CDH12: variants seen among roughly 807,000 people sequenced by gnomAD.
CDH12 encodes the protein cadherin 12.
CDH12 carries 41 observed loss-of-function variants against 74.1 expected under a neutral mutation model. That is an observed-to-expected ratio of 0.55 (90% confidence interval 0.43 to 0.72). The LOEUF is 0.72. CDH12 is among the 30% of genes least tolerant of loss of function. The pLI, the probability that CDH12 is intolerant of heterozygous loss-of-function variation, is 0.00. For missense variants in CDH12, 945 were observed against 977.2 expected, an observed-to-expected ratio of 0.97 and a Z score of 0.44; for synonymous variants, 399 against 355.0, an observed-to-expected ratio of 1.12 and a Z score of -1.39.
intron 1 of CDH12, among the ~76,000 whole-genome samples, chr5:22,615,554 T>A (rs1333236061): frequency 6.6e-6 from 1 of 152,002 alleles, no homozygotes; most frequent in African/African-American, 2.4e-5. Context: ...AAGATCCCTG[T>A]CAAATGAAAC....
intron 5 of CDH12, among the ~76,000 whole-genome samples, chr5:22,006,197 T>C (rs2963549): frequency 2.0e-5 from 3 of 151,986 alleles, no homozygotes; most frequent in Non-Finnish European, 4.4e-5. Context: ...ATTTTTTTTT[T>C]AATATAGATG....
At chr5:22,466,932 G>C (rs1013988656) in intron 2 of CDH12, among the ~76,000 whole-genome samples, 28 of 151,706 alleles carry the variant, frequency 1.8e-4, no homozygotes, top group African/African-American at 6.5e-4. Flanking sequence ...GGGACTACAG[G>C]CACGTGCCGC....
chr5:22,314,449 A>G (rs1259468652), intron 3 of CDH12, among the ~76,000 whole-genome samples: 2 of 152,162 alleles, frequency 1.3e-5, no homozygotes, highest in African/African-American at 4.8e-5. Flanking sequence ...CAGAGAAAAA[A>G]GCCATGCTTG....
intron 1 of CDH12, among the ~76,000 whole-genome samples, chr5:22,810,469 A>C (rs1749083986): frequency 6.6e-6 from 1 of 152,138 alleles, no homozygotes; most frequent in Admixed American, 6.6e-5. Flanking sequence ...TTATTCTCCC[A>C]GTGAACATTA....
intron 7 of CDH12, among the ~76,000 whole-genome samples, chr5:21,845,003 A>ATAGG (rs1471919833): frequency 1.7e-5 from 2 of 120,412 alleles, no homozygotes; most frequent in Non-Finnish European, 3.4e-5. Context: ...AGGTAGGTAG[A>ATAGG]TAGATAGATA....
intron 6 of CDH12, among the ~76,000 whole-genome samples, chr5:21,873,708 G>T (rs981354587): frequency 6.6e-6 from 1 of 152,134 alleles, no homozygotes; most frequent in Admixed American, 6.6e-5. Flanking sequence ...GTGCCATGGT[G>T]GTTTGCTGCA....
At chr5:22,099,272 C>T (rs1193900650) in intron 4 of CDH12, among the ~76,000 whole-genome samples, 1 of 152,134 alleles carries the variant, frequency 6.6e-6, no homozygotes, top group Non-Finnish European at 1.5e-5. Flanking sequence ...AGTCGAATCA[C>T]CCAAGCAGTT....
In CDH12 at chr5:22,833,065, T is replaced by G. The variant is rs189566462; in HGVS notation, c.-523+19993A>C. Reference sequence around the variant, plus strand: ...TGAATTTAAGTTTTGCATGCCTAACTTTTTTCCTTAGTTTAGATAACTGCT... The same window carrying G: ...TGAATTTAAGTTTTGCATGCCTAACGTTTTTCCTTAGTTTAGATAACTGCT... On this transcript the variant is annotated intron_variant, in intron 1 of 14. Coordinates refer to ENST00000382254, the MANE Select transcript of CDH12 (RefSeq NM_004061.5). 9.4e-3 allele frequency among the ~76,000 whole-genome samples: 1,432 copies of G among 152,316 alleles called. 5 individuals are homozygous for G. The highest frequency in any genetic ancestry group is 0.015 in the Non-Finnish European group (1,051 of 68,018).
At chr5:21,892,457 G>C (rs1261156563) in intron 6 of CDH12, among the ~76,000 whole-genome samples, 1 of 152,066 alleles carries the variant, frequency 6.6e-6, no homozygotes, top group Non-Finnish European at 1.5e-5. Flanking sequence ...GTCACTTTTC[G>C]CAGGTTCTGC....
chr5:22,335,994 T>C (rs1011567623), intron 3 of CDH12, among the ~76,000 whole-genome samples: 1 of 152,088 alleles, frequency 6.6e-6, no homozygotes, highest in East Asian at 1.9e-4. Context: ...ACCAAAAGCC[T>C]GACAGCAACA....
At chr5:22,472,945 G>T (rs925885012) in intron 2 of CDH12, among the ~76,000 whole-genome samples, 1 of 152,080 alleles carries the variant, frequency 6.6e-6, no homozygotes, top group African/African-American at 2.4e-5. Context: ...CATTTTACAA[G>T]GATCTGTGGA....
At chr5:22,093,743 T>C (rs1053421971) in intron 4 of CDH12, among the ~76,000 whole-genome samples, 25 of 152,290 alleles carry the variant, frequency 1.6e-4, no homozygotes, top group African/African-American at 5.8e-4. Flanking sequence ...TTGAATTCCA[T>C]ACTTTAAATA....
At chr5:22,022,702 C>T (rs936277641) in intron 5 of CDH12, among the ~76,000 whole-genome samples, 5 of 150,912 alleles carry the variant, frequency 3.3e-5, no homozygotes, top group Non-Finnish European at 5.9e-5. Flanking sequence ...TATATATCTG[C>T]TTTCTATTTA....
chr5:21,758,981 G>T (rs190217106), intron 13 of CDH12, among the ~76,000 whole-genome samples: 1 of 152,062 alleles, frequency 6.6e-6, no homozygotes, highest in African/African-American at 2.4e-5. Flanking sequence ...GGGAGAAAGG[G>T]AGGAGACAAA....
chr5:22,127,839 T>C (rs947281204), intron 4 of CDH12, among the ~76,000 whole-genome samples: 49 of 152,060 alleles, frequency 3.2e-4, no homozygotes, highest in African/African-American at 1.1e-3. Flanking sequence ...CTGAATGTGA[T>C]AGGATGGAGA....
At chr5:22,765,373 T>A (rs1475262530) in intron 1 of CDH12, among the ~76,000 whole-genome samples, 1 of 152,008 alleles carries the variant, frequency 6.6e-6, no homozygotes, top group Non-Finnish European at 1.5e-5. Flanking sequence ...TCTAGTCTAC[T>A]GTAATCATTA....
At chr5:22,118,891 G>A (rs753689611) in intron 4 of CDH12, among the ~76,000 whole-genome samples, 2 of 152,180 alleles carry the variant, frequency 1.3e-5, no homozygotes, top group African/African-American at 4.8e-5. Flanking sequence ...AGTTGGGGTG[G>A]GGGATAGTTG....
chr5:22,679,443 T>C (rs765669471), intron 1 of CDH12, among the ~76,000 whole-genome samples: 3 of 152,096 alleles, frequency 2.0e-5, no homozygotes, highest in Non-Finnish European at 4.4e-5. Context: ...CAACCTTTAA[T>C]TTGTCTTTTC....
chr5:22,297,079 T>C (rs1034293370), intron 3 of CDH12, among the ~76,000 whole-genome samples: 2 of 152,106 alleles, frequency 1.3e-5, no homozygotes, highest in African/African-American at 4.8e-5. Flanking sequence ...TGGAGTGCAA[T>C]GGCTGCATCT....
Sources: allele counts gnomAD v4.1 joint callset (sites outside exome capture counted in the v4.1 genomes callset), GRCh38; gene constraint gnomAD v4.1.1; transcripts MANE v1.5; gene names NCBI Gene and HGNC (gene_info 2026-07-23, HGNC 2026-07-21).